The following PCDH9 variants were observed in gnomAD, a reference collection of about 807,000 sequenced individuals.
PCDH9 encodes the protein protocadherin-9.
PCDH9 carries 24 observed loss-of-function variants against 70.6 expected under a neutral mutation model. That is an observed-to-expected ratio of 0.34 (90% CI 0.25 to 0.48). The LOEUF is 0.48. Among genes scored for constraint, PCDH9 ranks in the 20% least tolerant of loss-of-function variants. PCDH9 has a pLI of 0.99. For missense variants in PCDH9, 1,281 were observed against 1,503.6 expected (o/e 0.85, Z 2.45); for synonymous variants, 562 against 558.5 (o/e 1.01, Z -0.09).
At chr13:66,729,393 T>C (rs1566152752) in intron 3 of PCDH9, among the ~76,000 whole-genome samples, 1 of 152,192 alleles carries the variant, frequency 6.6e-6, no homozygotes, top group Non-Finnish European at 1.5e-5. Flanking sequence ...TGTGCATCTA[T>C]ACTACTATGC....
At chr13:67,211,202 T>G (rs1441434719) in intron 2 of PCDH9, 1 of 152,002 alleles carries the variant, frequency 6.6e-6, no homozygotes, top group African/African-American at 2.4e-5. Context: ...TAATACACAT[T>G]TGATTCCTGA....
At chr13:67,170,120 G>A (rs761323746) in intron 2 of PCDH9, among the ~76,000 whole-genome samples, 4 of 152,064 alleles carry the variant, frequency 2.6e-5, no homozygotes, top group Non-Finnish European at 5.9e-5. Flanking sequence ...ATTATTCACA[G>A]GTATCAGTGC....
intron 2 of PCDH9, among the ~76,000 whole-genome samples, chr13:67,025,866 C>T (rs2084770093): frequency 6.6e-6 from 1 of 152,002 alleles, no homozygotes; most frequent in Admixed American, 6.6e-5. Context: ...CAAGTTAAAG[C>T]ATATTTATAT....
At chr13:66,633,873 C>T (rs1019295002) in intron 3 of PCDH9, among the ~76,000 whole-genome samples, 25 of 152,102 alleles carry the variant, frequency 1.6e-4, no homozygotes, top group African/African-American at 5.3e-4. Flanking sequence ...TAAATATGCA[C>T]GACTAGTTAT....
intron 4 of PCDH9, among the ~76,000 whole-genome samples, chr13:66,421,504 T>TA (rs1348345639): frequency 6.6e-6 from 1 of 152,270 alleles, no homozygotes; most frequent in South Asian, 2.1e-4. Flanking sequence ...TGGAGGCCAA[T>TA]ATTCAATATT....
chr13:66,671,441 G>C (rs547535126), intron 3 of PCDH9, among the ~76,000 whole-genome samples: 4 of 152,174 alleles, frequency 2.6e-5, no homozygotes, highest in African/African-American at 7.2e-5. Flanking sequence ...ACTTCCTAGT[G>C]ACTTGGAGGG....
chr13:66,398,809 C>T lies in PCDH9; in HGVS notation c.3341-93781G>A, dbSNP rs78323025. ...CAACAAAATTTATAAGAAAACAAAA[C>T]AAATATCAAAGATGATACATTCTGC... On this transcript the variant is annotated intron_variant, in intron 4 of 4. Coordinates refer to ENST00000377865, the MANE Select transcript of PCDH9 (RefSeq NM_203487.3). Among the ~76,000 whole-genome samples the T allele has an allele frequency of 1.4e-3, 209 of 152,168 alleles. 3 individuals are homozygous for T. In the East Asian group the frequency reaches 0.034, roughly 25 times the overall value.
chr13:66,939,183 A>G (rs201732999), intron 2 of PCDH9, among the ~76,000 whole-genome samples: 1 of 152,052 alleles, frequency 6.6e-6, no homozygotes, highest in East Asian at 1.9e-4. Flanking sequence ...AAATCAAAAT[A>G]TCACTGTCAA....
chr13:66,906,343 A>G (rs944714355), intron 2 of PCDH9, among the ~76,000 whole-genome samples: 1 of 152,222 alleles, frequency 6.6e-6, no homozygotes, highest in African/African-American at 2.4e-5. Context: ...AACATGAAGA[A>G]TGTGAGGATT....
intron 2 of PCDH9, among the ~76,000 whole-genome samples, chr13:67,106,220 G>T (rs2086539472): frequency 1.3e-5 from 2 of 152,006 alleles, no homozygotes; most frequent in African/African-American, 4.8e-5. Context: ...AAAACTCTTG[G>T]GGCTCTGCTC....
At position 66,426,880 on chromosome 13, in the gene PCDH9, A is replaced by G. The variant is rs143715209; in HGVS notation, c.3341-121852T>C. Among the ~76,000 whole-genome samples the G allele has an allele frequency of 6.5e-4, 98 of 151,684 alleles. 1 individual carries two copies. The highest frequency in any genetic ancestry group is 1.8e-3 in the African/African-American group (75 of 41,516). On this transcript the variant is annotated intron_variant, in intron 4 of 4. Coordinates refer to ENST00000377865, the MANE Select transcript of PCDH9 (RefSeq NM_203487.3). ...AAAACAACTTTTAACATGTTTTATA[A>G]TTAGAGCATTTTGTCATTGTATTTT... is the stretch of plus-strand genomic sequence containing the variant.
chr13:67,132,137 A>C (rs907979778), intron 2 of PCDH9, among the ~76,000 whole-genome samples: 2 of 152,134 alleles, frequency 1.3e-5, no homozygotes, highest in Admixed American at 1.3e-4. Context: ...TCTAGTGGTA[A>C]GTTTTAGGAA....
At chr13:66,445,919 G>T (rs1212815121) in intron 4 of PCDH9, among the ~76,000 whole-genome samples, 1 of 150,886 alleles carries the variant, frequency 6.6e-6, no homozygotes. Context: ...GGCTTGGTAA[G>T]CCTTTCGATG....
intron 4 of PCDH9, among the ~76,000 whole-genome samples, chr13:66,389,256 T>C (rs1282041629): frequency 6.6e-6 from 1 of 152,194 alleles, no homozygotes; most frequent in Non-Finnish European, 1.5e-5. Context: ...AATATTCACT[T>C]TTCTTCATTT....
chr13:66,798,824 T>C (rs1302148607), intron 3 of PCDH9, among the ~76,000 whole-genome samples: 1 of 152,148 alleles, frequency 6.6e-6, no homozygotes, highest in Non-Finnish European at 1.5e-5. Flanking sequence ...CTCGTTTTTT[T>C]TTTCTTTTTG....
intron 4 of PCDH9, among the ~76,000 whole-genome samples, chr13:66,470,003 G>A (rs767687847): frequency 7.9e-5 from 12 of 152,000 alleles, no homozygotes; most frequent in Non-Finnish European, 1.3e-4. Context: ...ACTTTTAACC[G>A]TGATCTCTGG....
intron 2 of PCDH9, among the ~76,000 whole-genome samples, chr13:67,005,503 T>C (rs2084333152): frequency 6.6e-6 from 1 of 152,194 alleles, no homozygotes; most frequent in South Asian, 2.1e-4. Context: ...CACACACTCA[T>C]ACTTTAAAAC....
At chr13:66,686,293 C>T (rs899820482) in intron 3 of PCDH9, among the ~76,000 whole-genome samples, 9 of 152,054 alleles carry the variant, frequency 5.9e-5, no homozygotes, top group Admixed American at 4.6e-4. Context: ...AGGGCTTTTC[C>T]CCTTTTGCTT....
rs558863342 is a variant in PCDH9 at position 67,108,011 on chromosome 13, A to G, written c.3036+117394T>C. Reference sequence around the variant, plus strand: ...AGCCACAGCCTTGCACAGAGCCAGCACCTGTGCCAGCACCTGGAGCTGCCC... The same window carrying G: ...AGCCACAGCCTTGCACAGAGCCAGCGCCTGTGCCAGCACCTGGAGCTGCCC... On this transcript the variant is annotated intron_variant, in intron 2 of 4. Transcript: ENST00000377865. Among the ~76,000 whole-genome samples the G allele has an allele frequency of 3.9e-4, 60 of 152,230 alleles. No individual in the cohort carries two copies. In the South Asian group the frequency reaches 0.011, roughly 29 times the overall value.
Sources: gnomAD v4.1 joint callset for allele counts (sites outside exome capture counted in the v4.1 genomes callset) on GRCh38, gnomAD v4.1.1 for gene constraint, MANE v1.5 for transcripts, NCBI Gene and HGNC (gene_info 2026-07-23, HGNC 2026-07-21) for gene names.